TSHZ2: variants seen among roughly 807,000 people sequenced by gnomAD.
TSHZ2 encodes teashirt zinc finger homeobox 2, also known as teashirt homolog 2.
Under a neutral mutation model 74.4 loss-of-function variants are expected in TSHZ2, and 21 were observed. That is an observed-to-expected ratio of 0.28 (90% confidence interval 0.20 to 0.41). The LOEUF is 0.41. Among genes scored for constraint, TSHZ2 ranks in the 10% least tolerant of loss-of-function variants. The probability of loss-of-function intolerance (pLI) is 1.00; values close to 1 mark genes in which losing one functional copy is unlikely to be tolerated. For missense variants in TSHZ2, 1,244 were observed against 1,293.5 expected (o/e 0.96, Z 0.59); for synonymous variants, 540 against 515.3 (o/e 1.05, Z -0.65).
chr20:53,382,341 C>T (rs939535821), intron 2 of TSHZ2, among the ~76,000 whole-genome samples: 1 of 152,202 alleles, frequency 6.6e-6, no homozygotes. Flanking sequence ...TTGGCCATGC[C>T]CTTGGCCTTT....
chr20:53,215,304 G>A (rs1989409530), intron 1 of TSHZ2, among the ~76,000 whole-genome samples: 1 of 151,996 alleles, frequency 6.6e-6, no homozygotes, highest in African/African-American at 2.4e-5. Flanking sequence ...TGGTTTTTAA[G>A]AGCAAAATAG....
chr20:53,061,381 C>G (rs571831760), intron 1 of TSHZ2, among the ~76,000 whole-genome samples: 26 of 152,294 alleles, frequency 1.7e-4, no homozygotes, highest in African/African-American at 5.8e-4. Context: ...ATTTGAACTT[C>G]TGCCCAGTAG....
intron 2 of TSHZ2, among the ~76,000 whole-genome samples, chr20:53,287,872 A>G (rs1335680587): frequency 2.0e-5 from 3 of 152,166 alleles, no homozygotes; most frequent in Non-Finnish European, 4.4e-5. Context: ...CCCCTCCAAG[A>G]GTATTTCAAA....
chr20:53,338,724 C>T (rs1266017312), intron 2 of TSHZ2, among the ~76,000 whole-genome samples: 24 of 144,294 alleles, frequency 1.7e-4, no homozygotes, highest in African/African-American at 6.1e-4. Context: ...CTCTAAATGT[C>T]AGGAGTACTC....
At chr20:53,058,741 G>C (rs1984725401) in intron 1 of TSHZ2, among the ~76,000 whole-genome samples, 1 of 152,194 alleles carries the variant, frequency 6.6e-6, no homozygotes. Context: ...GCCTGACCAG[G>C]TGGCAAATGT....
chr20:53,069,170 C>T (rs145886566), intron 1 of TSHZ2, among the ~76,000 whole-genome samples: 13 of 152,196 alleles, frequency 8.5e-5, no homozygotes, highest in African/African-American at 2.9e-4. Flanking sequence ...GCTTTCTCTG[C>T]GCCATGTGAA....
chr20:53,047,309 T>G (rs527249576), intron 1 of TSHZ2, among the ~76,000 whole-genome samples: 2 of 152,324 alleles, frequency 1.3e-5, no homozygotes, highest in East Asian at 3.9e-4. Flanking sequence ...GGTTGAGAGC[T>G]AGCAGGACAC....
chr20:52,975,743 T>G (rs916081058), intron 1 of TSHZ2, among the ~76,000 whole-genome samples: 5 of 152,204 alleles, frequency 3.3e-5, no homozygotes, highest in Non-Finnish European at 7.3e-5. Flanking sequence ...CAGTTTTTCA[T>G]GCAGTGTTTC....
At chr20:53,302,611 C>T (rs1038874995) in intron 2 of TSHZ2, among the ~76,000 whole-genome samples, 2 of 152,194 alleles carry the variant, frequency 1.3e-5, no homozygotes, top group Non-Finnish European at 2.9e-5. Flanking sequence ...CCTCTTCACA[C>T]TTCCTCAGGA....
intron 1 of TSHZ2, among the ~76,000 whole-genome samples, chr20:53,154,995 A>T (rs1328468322): frequency 6.6e-6 from 1 of 152,146 alleles, no homozygotes; most frequent in African/African-American, 2.4e-5. Flanking sequence ...AGTTGAAAAA[A>T]AAATAGTTAA....
intron 2 of TSHZ2, among the ~76,000 whole-genome samples, chr20:53,457,862 T>C (rs1247067412): frequency 6.6e-6 from 1 of 151,496 alleles, no homozygotes; most frequent in East Asian, 1.9e-4. Context: ...GGATTACACT[T>C]ATTGATTTGC....
rs533224378 is a variant in TSHZ2, at chr20:53,422,964, C to T, written c.*9-64180C>T. Among the ~76,000 whole-genome samples the T allele has an allele frequency of 2.6e-5, 4 of 152,274 alleles. No homozygotes were observed. In the South Asian group the frequency reaches 8.3e-4, roughly 32 times the overall value. On this transcript the variant is annotated intron_variant, in intron 2 of 2. Coordinates refer to ENST00000371497, the MANE Select transcript of TSHZ2 (RefSeq NM_173485.6). ...TATTAAGGGCATTACCTACTTAACT[C>T]CTCAATGCGTTCTTAGTCCCCATTT...
chr20:53,192,050 A>G (rs1312800279), intron 1 of TSHZ2, among the ~76,000 whole-genome samples: 1 of 152,210 alleles, frequency 6.6e-6, no homozygotes, highest in Admixed American at 6.5e-5. Flanking sequence ...ACATTTTATA[A>G]CATTCAGTGC....
chr20:53,202,876 G>C (rs1336636365), intron 1 of TSHZ2, among the ~76,000 whole-genome samples: 1 of 152,106 alleles, frequency 6.6e-6, no homozygotes, highest in African/African-American at 2.4e-5. Flanking sequence ...GGGAGAGGCA[G>C]GGGTGCTTTT....
intron 2 of TSHZ2, among the ~76,000 whole-genome samples, chr20:53,336,657 G>A (rs144722418): frequency 2.8e-4 from 43 of 152,272 alleles, no homozygotes; most frequent in African/African-American, 1.0e-3. Flanking sequence ...TCTTGTGTCT[G>A]TGTTACGATG....
chr20:53,360,700 G>C (rs1249839139), intron 2 of TSHZ2, among the ~76,000 whole-genome samples: 1 of 152,130 alleles, frequency 6.6e-6, no homozygotes, highest in Non-Finnish European at 1.5e-5. Flanking sequence ...CAAAAATGTA[G>C]CATTATCCCC....
At chr20:53,114,574 A>C (rs772535024) in intron 1 of TSHZ2, among the ~76,000 whole-genome samples, 1 of 152,222 alleles carries the variant, frequency 6.6e-6, no homozygotes, top group Non-Finnish European at 1.5e-5. Context: ...CTCTGTCAGC[A>C]AGTTAGAAAT....
intron 1 of TSHZ2, among the ~76,000 whole-genome samples, chr20:53,219,203 G>A (rs183039876): frequency 1.5e-4 from 23 of 152,284 alleles, no homozygotes; most frequent in African/African-American, 5.1e-4. Context: ...GAAATGCTGT[G>A]AATTCCCCCA....
intron 2 of TSHZ2, among the ~76,000 whole-genome samples, chr20:53,393,395 G>A (rs1279445257): frequency 6.6e-6 from 1 of 152,192 alleles, no homozygotes; most frequent in African/African-American, 2.4e-5. Flanking sequence ...GGCTAAGCAG[G>A]TGACCAGTGC....
Sources: allele counts gnomAD v4.1 joint callset (sites outside exome capture counted in the v4.1 genomes callset), GRCh38; gene constraint gnomAD v4.1.1; transcripts MANE v1.5; gene names NCBI Gene and HGNC (gene_info 2026-07-23, HGNC 2026-07-21).